The following MBD3L1 variants were observed in gnomAD, a reference collection of about 807,000 sequenced individuals.
MBD3L1 encodes the protein methyl-CpG-binding domain protein 3-like 1.
For missense variants in MBD3L1, 203 were observed against 230.1 expected (o/e 0.88, Z 0.76); for synonymous variants, 84 against 85.1 (o/e 0.99, Z 0.07).
intron 1 of MBD3L1, among the ~76,000 whole-genome samples, chr19:8,838,252 CAAAAAAAAAAAAAAAAAA>C (rs542318207): frequency 8.5e-5 from 1 of 11,832 alleles, no homozygotes; most frequent in East Asian, 2.1e-3. Flanking sequence ...GACTCCATCT[CAAAAAAAAAAAAAAAAAA>C]AAAAAAAAAA....
Position 8,842,997 on chromosome 19 carries a change from G to T in MBD3L1, c.319G>T (p.Glu107Ter). Residue 107 changes from glutamate to a stop codon, truncating the protein, a stop_gained, in exon 3 of 3, where the codon GAG becomes TAG. Coordinates refer to ENST00000595891, the MANE Select transcript of MBD3L1 (RefSeq NM_001393532.1). LOFTEE classifies it low-confidence loss of function (END_TRUNC). ...TAGTTACACAGGTGGATCTCTGCTG[G>T]AGGATCTTGCCAGTGGTCTGGAGCA... Reference protein sequence around the residue: ...VPSYTGGSLLEDLASGLEHSC... With the variant: ...VPSYTGGSLL 1 of 1,614,222 alleles carries T rather than the reference G, an allele frequency of 6.2e-7. No individual in the cohort carries two copies. Among genetic ancestry groups the T allele is most frequent in the South Asian group, 1.1e-5 (1 of 91,088 alleles).
intron 2 of MBD3L1, among the ~76,000 whole-genome samples, 176 bp downstream of exon 2, chr19:8,841,175 C>T (rs530072187): frequency 4.6e-5 from 7 of 151,292 alleles, no homozygotes; most frequent in South Asian, 2.1e-4. Flanking sequence ...TACAGGTGTG[C>T]GCCACCACAC....
At chr19:8,834,777 A>G (rs943122313) in intron 1 of MBD3L1, among the ~76,000 whole-genome samples, 2 of 152,184 alleles carry the variant, frequency 1.3e-5, no homozygotes, top group African/African-American at 2.4e-5. Flanking sequence ...ACTTCTTGGA[A>G]GAAAACATAG....
At position 8,843,297 on chromosome 19, in the gene MBD3L1, GT is replaced by G; in HGVS notation, c.*35del. ...GGGAAGATAGTGCAGATGAAATAAA[GT>G]GTAATCCTTTATTAACATCTCTTTG... On this transcript the variant is annotated 3_prime_UTR_variant, in exon 3 of 3. Transcript: ENST00000595891. 2.8e-6 allele frequency: 4 copies of G among 1,451,664 alleles called. No homozygotes were observed. The highest frequency in any genetic ancestry group is 2.8e-6 in the Non-Finnish European group (3 of 1,089,668). The allele number at this position is 1,451,664 out of a possible 1,614,324, so 89.9% of individuals were successfully genotyped here. A position where few individuals can be genotyped will look rare whatever the true frequency, so the allele number is the denominator to read the frequency against.
rs564208834 is a variant in MBD3L1, at chr19:8,836,956, A to G, written c.-106-3959A>G. Among the ~76,000 whole-genome samples the G allele has an allele frequency of 2.0e-5, 3 of 152,358 alleles. No individual in the cohort carries two copies. The East Asian group carries it at 5.8e-4, about 29-fold the overall frequency. ...GAACAAGCCAGTAAAAACATCATCAAAGACAAAGGCTATGAACCACACACT... is the reference window on the plus strand; with the variant it reads ...GAACAAGCCAGTAAAAACATCATCAGAGACAAAGGCTATGAACCACACACT... On this transcript the variant is annotated intron_variant, in intron 1 of 2. Transcript: ENST00000595891.
chr19:8,839,660 A>C (rs1311461782), intron 1 of MBD3L1, among the ~76,000 whole-genome samples: 1 of 152,194 alleles, frequency 6.6e-6, no homozygotes, highest in Non-Finnish European at 1.5e-5. Flanking sequence ...CCTTAGCAAC[A>C]GAAGCAGCTG....
Position 8,842,986 on chromosome 19 carries a change from G to A in MBD3L1, c.308G>A (p.Gly103Glu). ...LQKLVPSYTG[G>E]SLLEDLASGL... The stretch of plus-strand genomic sequence containing the variant: ...AAACTTGTCCCTAGTTACACAGGTG[G>A]ATCTCTGCTGGAGGATCTTGCCAGT... Residue 103 changes from glycine to glutamate, a missense_variant, in exon 3 of 3, where the codon GGA becomes GAA. Coordinates refer to ENST00000595891, the MANE Select transcript of MBD3L1 (RefSeq NM_001393532.1). The A allele has an allele frequency of 6.2e-7, 1 of 1,614,176 alleles. No homozygotes were observed. The highest frequency in any genetic ancestry group is 8.5e-7 in the Non-Finnish European group (1 of 1,180,034).
At position 8,842,933 on chromosome 19, in the gene MBD3L1, C is replaced by T. The variant is rs1568485184; in HGVS notation, c.255C>T (p.Ser85=). 1 of 1,614,236 alleles carries T rather than the reference C, an allele frequency of 6.2e-7. No individual in the cohort carries two copies. The highest frequency in any genetic ancestry group is 1.7e-5 in the Admixed American group (1 of 60,018). Residue 85 remains serine, a synonymous_variant, in exon 3 of 3, where the codon AGC becomes AGT. Coordinates refer to ENST00000595891, the MANE Select transcript of MBD3L1 (RefSeq NM_001393532.1). Reference sequence around the variant, plus strand: ...ACAGCAGTGCAGGAGAACTTTCAAGCACTTTGGATCTTGCCAATACCTTGC... The same window carrying T: ...ACAGCAGTGCAGGAGAACTTTCAAGTACTTTGGATCTTGCCAATACCTTGC... ...QAYSSAGELS[S]TLDLANTLQK...
rs542318207 is a variant in MBD3L1 at position 8,838,252 on chromosome 19, C to CAAAAAAAAAAAAAAAAAAAAAAAAAAAA, written c.-106-2659_-106-2632dup. Among the ~76,000 whole-genome samples, 4 of 11,832 alleles carry CAAAAAAAAAAAAAAAAAAAAAAAAAAAA rather than the reference C, an allele frequency of 3.4e-4. 2 individuals carry two copies. The highest frequency in any genetic ancestry group is 6.9e-4 in the Non-Finnish European group (4 of 5,804). 7.8% of individuals were successfully genotyped at this position (11,832 alleles called of 152,430 possible). On this transcript the variant is annotated intron_variant, in intron 1 of 2. Coordinates refer to ENST00000595891, the MANE Select transcript of MBD3L1 (RefSeq NM_001393532.1). ...TGGACGACAGAGCAAGACTCCATCT[C>CAAAAAAAAAAAAAAAAAAAAAAAAAAAA]AAAAAAAAAAAAAAAAAAAAAAAAA...
chr19:8,833,786 C>T (rs1439802272), intron 1 of MBD3L1, among the ~76,000 whole-genome samples: 1 of 152,066 alleles, frequency 6.6e-6, no homozygotes, highest in African/African-American at 2.4e-5. Context: ...GTCAGGAGTT[C>T]GAGACCAGCC....
chr19:8,842,808 C>A lies in MBD3L1; in HGVS notation c.130C>A (p.Pro44Thr). 9 of 1,614,180 alleles carry A rather than the reference C, an allele frequency of 5.6e-6. No individual in the cohort carries two copies. The highest frequency in any genetic ancestry group is 7.6e-6 in the Non-Finnish European group (9 of 1,180,028). ...TFKRPVTRIT[P>T]HPGNEVRYHQ... ...CAAGAGGCCAGTAACGAGAATTACA[C>A]CCCATCCTGGCAATGAGGTCAGATA... The change falls in exon 3 of 3, where the codon CCC becomes ACC. Residue 44 changes from proline to threonine, a missense_variant. Pro to Thr is a conservative substitution (Grantham distance 38, BLOSUM62 -1). Coordinates refer to ENST00000595891, the MANE Select transcript of MBD3L1 (RefSeq NM_001393532.1).
chr19:8,835,909 A>G (rs576830863), intron 1 of MBD3L1, among the ~76,000 whole-genome samples: 5 of 152,244 alleles, frequency 3.3e-5, no homozygotes, highest in Non-Finnish European at 5.9e-5. Context: ...GAAGCCACTC[A>G]TAAAAAACCC....
In MBD3L1 at chr19:8,839,185, C is replaced by CTTTTTTT. The variant is rs57499698; in HGVS notation, c.-106-1719_-106-1713dup. Among the ~76,000 whole-genome samples the CTTTTTTT allele has an allele frequency of 5.7e-4, 70 of 122,096 alleles. 1 individual carries two copies. The highest frequency in any genetic ancestry group is 1.0e-3 in the African/African-American group (31 of 31,018). The allele number at this position is 122,096 out of a possible 152,430, so 80.1% of individuals were successfully genotyped here. A position where few individuals can be genotyped will look rare whatever the true frequency, so the allele number is the denominator to read the frequency against. The stretch of plus-strand genomic sequence containing the variant: ...GATTTTCTTTTTTTTCTTTTCTTTT[C>CTTTTTTT]TTTTTTTTTTTTTTTTTGAGACAGA... On this transcript the variant is annotated intron_variant, in intron 1 of 2. Transcript: ENST00000595891.
intron 1 of MBD3L1, among the ~76,000 whole-genome samples, chr19:8,835,605 T>C (rs1220785606): frequency 2.6e-5 from 4 of 152,318 alleles, no homozygotes; most frequent in African/African-American, 9.6e-5. Flanking sequence ...GCACCCACTT[T>C]GCAAAATAGT....
chr19:8,834,389 C>G (rs1271651749), intron 1 of MBD3L1, among the ~76,000 whole-genome samples: 3 of 152,114 alleles, frequency 2.0e-5, no homozygotes, highest in Non-Finnish European at 4.4e-5. Context: ...GCAGGCAGAT[C>G]ACGAGGTCAA....
At chr19:8,834,857 GA>G (rs2044437756) in intron 1 of MBD3L1, among the ~76,000 whole-genome samples, 1 of 151,948 alleles carries the variant, frequency 6.6e-6, no homozygotes, top group South Asian at 2.1e-4. Flanking sequence ...GGTGGCGAAA[GA>G]AAAAATATAT....
chr19:8,836,965 G>C (rs1044929987), intron 1 of MBD3L1, among the ~76,000 whole-genome samples: 2 of 152,100 alleles, frequency 1.3e-5, no homozygotes, highest in African/African-American at 4.8e-5. Flanking sequence ...AAAGACAAAG[G>C]CTATGAACCA....
chr19:8,837,734 C>A (rs2044469348), intron 1 of MBD3L1, among the ~76,000 whole-genome samples: 1 of 152,198 alleles, frequency 6.6e-6, no homozygotes, highest in Non-Finnish European at 1.5e-5. Flanking sequence ...ATAGTCACTT[C>A]CGGCTACCTT....
In MBD3L1 at chr19:8,842,742, T is replaced by G; in HGVS notation, c.64T>G (p.Leu22Val). Residue 22 changes from leucine to valine, a missense_variant, in exon 3 of 3, where the codon TTG (leucine) becomes GTG (valine). By Grantham distance (32) the Leu-to-Val change is conservative. Transcript: ENST00000595891. ...CVNQCKSKPG[L>V]STSIPLRMSS... ...AAACCAATGCAAATCAAAGCCTGGC[T>G]TGAGCACCTCAATCCCTTTGAGAAT... 6.2e-7 allele frequency: 1 copy of G among 1,614,238 alleles called. No individual in the cohort carries two copies. Among genetic ancestry groups the G allele is most frequent in the South Asian group, 1.1e-5 (1 of 91,080 alleles).
Sources: allele counts gnomAD v4.1 joint callset (sites outside exome capture counted in the v4.1 genomes callset), GRCh38; gene constraint gnomAD v4.1.1; transcripts MANE v1.5; gene names NCBI Gene and HGNC (gene_info 2026-07-23, HGNC 2026-07-21).